The following YEATS2 variants were observed in gnomAD, a reference collection of about 807,000 sequenced individuals.
YEATS2 encodes YEATS domain containing 2, also known as YEATS domain-containing protein 2.
Under a neutral mutation model 163.2 loss-of-function variants are expected in YEATS2, and 77 were observed. That is an observed-to-expected ratio of 0.47 (90% CI 0.39 to 0.57). YEATS2 has a LOEUF of 0.57. Among genes scored for constraint, YEATS2 ranks in the 20% least tolerant of loss-of-function variants. The pLI is 0.00. For synonymous variants in YEATS2, 631 were observed against 645.1 expected (o/e 0.98, Z 0.33); for missense variants, 1,549 against 1,729.8 (o/e 0.90, Z 1.85).
chr3:183,751,950 T>C (rs932112672), intron 9 of YEATS2, 123 bp from the exon 10 acceptor site: 3 of 1,030,836 alleles, frequency 2.9e-6, no homozygotes, highest in East Asian at 2.4e-5. Flanking sequence ...AGATTGAAAT[T>C]GCCTTTGAAG....
At chr3:183,744,947 C>T (rs1434740395) in intron 8 of YEATS2, among the ~76,000 whole-genome samples, 3 of 152,048 alleles carry the variant, frequency 2.0e-5, no homozygotes, top group Admixed American at 2.0e-4. Flanking sequence ...ACCTTCTGGG[C>T]TTAAGCGATT....
intron 15 of YEATS2, 101 bp downstream of exon 15, chr3:183,762,380 T>TCAA: frequency 7.1e-7 from 1 of 1,398,854 alleles, no homozygotes; most frequent in Non-Finnish European, 9.6e-7. Context: ...GGGTTGATGA[T>TCAA]CCCATAAGAA....
chr3:183,728,645 T>C, intron 6 of YEATS2, 45 bp from the exon 7 acceptor site: 1 of 1,485,432 alleles, frequency 6.7e-7, no homozygotes, highest in South Asian at 1.5e-5. Context: ...AGTTAGGTTT[T>C]TGAAGGACGA....
intron 8 of YEATS2, among the ~76,000 whole-genome samples, chr3:183,740,404 A>C (rs1379263766): frequency 6.6e-6 from 1 of 152,258 alleles, no homozygotes; most frequent in Non-Finnish European, 1.5e-5. Flanking sequence ...CCACTATGAG[A>C]TATCATCTCA....
intron 1 of YEATS2, among the ~76,000 whole-genome samples, chr3:183,698,998 T>A (rs893609408): frequency 2.6e-5 from 4 of 152,054 alleles, no homozygotes; most frequent in Admixed American, 6.6e-5. Flanking sequence ...CCGGGAAGCC[T>A]TTGAAGGTTT....
intron 8 of YEATS2, among the ~76,000 whole-genome samples, chr3:183,745,114 T>G (rs973598237): frequency 1.3e-5 from 2 of 152,202 alleles, no homozygotes; most frequent in Non-Finnish European, 1.5e-5. Flanking sequence ...CCTCCCAAAG[T>G]GCTGGGATTA....
At chr3:183,791,361 T>C (rs1378644723) in intron 21 of YEATS2, among the ~76,000 whole-genome samples, 1 of 152,156 alleles carries the variant, frequency 6.6e-6, no homozygotes, top group African/African-American at 2.4e-5. Context: ...TTAAGCAATA[T>C]TTTGTATGGT....
rs549252910 is a variant in YEATS2 at position 183,773,583 on chromosome 3, T to C, written c.2207-50T>C. ...GCCTTGTATTTTAATTTTAGAGTGT[T>C]GCCCTTAGTTTCAATTTATCTTACA... On this transcript the variant is annotated intron_variant, in intron 16 of 30. Transcript: ENST00000305135. The C allele has an allele frequency of 2.3e-4, 352 of 1,511,664 alleles. No individual in the cohort carries two copies. In the South Asian group the frequency reaches 4.4e-3, roughly 19 times the overall value. 93.6% of individuals were successfully genotyped at this position (1,511,664 alleles called of 1,614,324 possible). A position where few individuals can be genotyped will look rare whatever the true frequency, so the allele number is the denominator to read the frequency against.
chr3:183,722,580 C>T (rs747837781), intron 5 of YEATS2, among the ~76,000 whole-genome samples: 14 of 151,984 alleles, frequency 9.2e-5, no homozygotes, highest in African/African-American at 3.1e-4. Context: ...TGAGCCACTG[C>T]GCCCAGCGGG....
intron 21 of YEATS2, among the ~76,000 whole-genome samples, chr3:183,797,269 G>GA (rs1167929691): frequency 0.18 from 13,135 of 72,328 alleles, 1,236 homozygotes; most frequent in East Asian, 0.35. Context: ...ATCCAACTCT[G>GA]AAAAAAAAAA....
chr3:183,712,364 A>G (rs1178056776), intron 1 of YEATS2, among the ~76,000 whole-genome samples: 5 of 151,386 alleles, frequency 3.3e-5, no homozygotes, highest in African/African-American at 1.2e-4. Flanking sequence ...ATGAGCCACC[A>G]TGCCCAGCTA....
At chr3:183,699,976 T>A (rs966246767) in intron 1 of YEATS2, among the ~76,000 whole-genome samples, 1 of 152,146 alleles carries the variant, frequency 6.6e-6, no homozygotes, top group Non-Finnish European at 1.5e-5. Flanking sequence ...AGTGCCCCAT[T>A]TCCATCTGCC....
chr3:183,732,339 G>A (rs1210877956), intron 7 of YEATS2, among the ~76,000 whole-genome samples: 3 of 151,570 alleles, frequency 2.0e-5, no homozygotes, highest in African/African-American at 4.8e-5. Context: ...TGTAGTCCCA[G>A]CTACTCGAGA....
chr3:183,797,550 A>ATAAATAAATAAAT (rs1725272688), intron 21 of YEATS2, among the ~76,000 whole-genome samples: 1 of 150,500 alleles, frequency 6.6e-6, no homozygotes, highest in African/African-American at 2.4e-5. Flanking sequence ...AACACAATAA[A>ATAAATAAATAAAT]TAAATAAATA....
chr3:183,761,778 G>A (rs1207762695), intron 14 of YEATS2, among the ~76,000 whole-genome samples, 164 bp downstream of exon 14: 1 of 152,188 alleles, frequency 6.6e-6, no homozygotes, highest in African/African-American at 2.4e-5. Context: ...GCAGCCCTTG[G>A]AGTCCAGCAA....
intron 8 of YEATS2, among the ~76,000 whole-genome samples, chr3:183,737,759 A>G (rs543050532): frequency 6.6e-6 from 1 of 152,324 alleles, no homozygotes; most frequent in Non-Finnish European, 1.5e-5. Flanking sequence ...ATATCTTATG[A>G]AGTGTTGTCT....
chr3:183,735,318 T>C (rs567149851), intron 7 of YEATS2, among the ~76,000 whole-genome samples: 117 of 152,334 alleles, frequency 7.7e-4, no homozygotes, highest in African/African-American at 2.6e-3. Context: ...GCCTCTAGGC[T>C]CCACTGTATC....
chr3:183,791,116 C>G, intron 21 of YEATS2, 136 bp downstream of exon 21: 1 of 1,204,208 alleles, frequency 8.3e-7, no homozygotes, highest in Admixed American at 2.7e-5. Flanking sequence ...TCACTGCAAC[C>G]TCTGCCTTCC....
intron 21 of YEATS2, among the ~76,000 whole-genome samples, chr3:183,794,878 C>T (rs902473339): frequency 6.6e-6 from 1 of 151,930 alleles, no homozygotes; most frequent in Admixed American, 6.6e-5. Context: ...CACTGAAGAC[C>T]CCATCTAGGG....
Sources: gnomAD v4.1 joint callset for allele counts (sites outside exome capture counted in the v4.1 genomes callset) on GRCh38, gnomAD v4.1.1 for gene constraint, MANE v1.5 for transcripts, NCBI Gene and HGNC (gene_info 2026-07-23, HGNC 2026-07-21) for gene names.